Variants in APBA2 observed in about 807,000 individuals in gnomAD.
APBA2 encodes amyloid-beta A4 precursor protein-binding family A member 2.
A neutral mutation model predicts 75.0 loss-of-function variants in APBA2; 30 were observed. The ratio of observed to expected loss-of-function variants is 0.40; its 90% CI spans 0.30 to 0.54. APBA2 has a LOEUF of 0.54. Among genes scored for constraint, APBA2 ranks in the 20% least tolerant of loss-of-function variants. The pLI is 0.49. For synonymous variants in APBA2, 444 were observed against 409.6 expected (o/e 1.08, Z -1.01); for missense variants, 801 against 1,016.1 (o/e 0.79, Z 2.88).
intron 10 of APBA2, among the ~76,000 whole-genome samples, chr15:29,104,549 C>T (rs1022510545): frequency 1.3e-5 from 2 of 152,178 alleles, no homozygotes; most frequent in Admixed American, 6.5e-5. Context: ...AGCAGCTCAG[C>T]GGAAGTAGAA....
chr15:29,088,588 T>G (rs1262886169), intron 6 of APBA2, among the ~76,000 whole-genome samples: 1 of 152,174 alleles, frequency 6.6e-6, no homozygotes, highest in Non-Finnish European at 1.5e-5. Context: ...TGTCTCTCCA[T>G]TTCCGTTGTC....
intron 3 of APBA2, among the ~76,000 whole-genome samples, chr15:29,005,537 C>T (rs926203463): frequency 6.6e-6 from 1 of 152,224 alleles, no homozygotes; most frequent in Non-Finnish European, 1.5e-5. Flanking sequence ...GCTGGGATTA[C>T]AGGCGTGAGT....
At chr15:29,014,704 GTTT>G (rs531887593) in intron 3 of APBA2, among the ~76,000 whole-genome samples, 1 of 125,626 alleles carries the variant, frequency 8.0e-6, no homozygotes, top group Non-Finnish European at 1.7e-5. Flanking sequence ...TCATTTGACT[GTTT>G]TTTTTTTTTT....
chr15:29,054,444 G>A lies in APBA2; in HGVS notation c.560G>A (p.Cys187Tyr), dbSNP rs781369597. 2 of 1,614,158 alleles carry A rather than the reference G, an allele frequency of 1.2e-6. No individual in the cohort carries two copies. Among genetic ancestry groups the A allele is most frequent in the Non-Finnish European group, 1.7e-6 (2 of 1,180,036 alleles). The stretch of plus-strand genomic sequence containing the variant: ...GACCAGGAAGAAGATGGTCACTACT[G>A]TGCCAGCAAAGAGGGCTACCAGGAC... ...AHDQEEDGHY[C>Y]ASKEGYQDYY... The change falls in exon 4 of 15, where the codon TGT (cysteine) becomes TAT (tyrosine). Residue 187 changes from cysteine (C) to tyrosine (Y), a missense_variant. Cys to Tyr is a radical substitution (Grantham distance 194, BLOSUM62 -2). Transcript: ENST00000683413. This position sits in a 1 kb window ranked among gnomAD's most constrained non-coding sequence, Gnocchi z 6.1.
intron 7 of APBA2, among the ~76,000 whole-genome samples, chr15:29,093,735 A>G (rs2043701065): frequency 6.6e-6 from 1 of 152,126 alleles, no homozygotes; most frequent in East Asian, 1.9e-4. Context: ...CGGGGAGGGG[A>G]TGCAGCCATC....
intron 4 of APBA2, among the ~76,000 whole-genome samples, chr15:29,066,990 C>T (rs1337153032): frequency 6.6e-6 from 1 of 152,086 alleles, no homozygotes; most frequent in Non-Finnish European, 1.5e-5. Flanking sequence ...AGGAAGCCTT[C>T]AATGGTGACA....
chr15:28,999,575 A>G (rs767178531), intron 3 of APBA2, among the ~76,000 whole-genome samples: 2 of 152,184 alleles, frequency 1.3e-5, no homozygotes, highest in Non-Finnish European at 2.9e-5. Context: ...GGGGGCCTTC[A>G]TGTCCTGTTT....
chr15:28,945,354 G>A (rs948267383), intron 2 of APBA2, among the ~76,000 whole-genome samples: 3 of 152,110 alleles, frequency 2.0e-5, no homozygotes, highest in African/African-American at 7.2e-5. Flanking sequence ...TGTCCAAGGC[G>A]CAGGAAATAA....
At chr15:28,894,358 G>A (rs904988298) in intron 1 of APBA2, among the ~76,000 whole-genome samples, 8 of 152,302 alleles carry the variant, frequency 5.3e-5, no homozygotes, top group East Asian at 3.9e-4. Context: ...AGGGCATGGA[G>A]GGGGCTGCTG....
At position 29,106,636 on chromosome 15, in the gene APBA2, C is replaced by G. The variant is rs2044422268; in HGVS notation, c.1734C>G (p.Ile578Met). ...ELQLEKHKGE[I>M]LGVVVVESGW... ...AGCTGGAGAAGCACAAGGGCGAGAT[C>G]CTGGGCGTGGTGGTGGTGGAGTCGG... is the stretch of plus-strand genomic sequence containing the variant. The change falls in exon 12 of 15, where the codon ATC becomes ATG. Residue 578 changes from isoleucine (I) to methionine (M), a missense_variant. Ile to Met is a conservative substitution (Grantham distance 10). This residue lies in a region of APBA2 where 367 missense variants were observed against 544.5 expected (regional missense o/e 0.67). Transcript: ENST00000683413. The G allele has an allele frequency of 6.2e-7, 1 of 1,613,174 alleles. No individual in the cohort carries two copies. Among genetic ancestry groups the G allele is most frequent in the Non-Finnish European group, 8.5e-7 (1 of 1,180,008 alleles).
chr15:28,943,696 T>C (rs2035366774), intron 2 of APBA2, among the ~76,000 whole-genome samples: 1 of 152,174 alleles, frequency 6.6e-6, no homozygotes, highest in South Asian at 2.1e-4. Flanking sequence ...TCAGGAATCA[T>C]GGGCCCTTCT....
intron 4 of APBA2, chr15:29,070,727 A>G: frequency 4.4e-6 from 1 of 228,010 alleles, no homozygotes; most frequent in South Asian, 6.0e-5. Flanking sequence ...CCATCTGACC[A>G]GGGGGTCATG....
chr15:29,093,817 A>G (rs1391631770), intron 7 of APBA2, among the ~76,000 whole-genome samples: 1 of 152,046 alleles, frequency 6.6e-6, no homozygotes, highest in African/African-American at 2.4e-5. Context: ...AATGGCAGCA[A>G]CCTCCTCCCC....
intron 4 of APBA2, among the ~76,000 whole-genome samples, chr15:29,056,439 C>T (rs932899215): frequency 2.0e-5 from 3 of 152,110 alleles, no homozygotes; most frequent in Non-Finnish European, 4.4e-5. Context: ...GAGAATGTGT[C>T]CTTGAAGGAC....
In APBA2 at chr15:28,991,371, C is replaced by T. The variant is rs73370639; in HGVS notation, c.-94-4382C>T. Among the ~76,000 whole-genome samples, 58 of 152,282 alleles carry T rather than the reference C, an allele frequency of 3.8e-4. No homozygotes were observed. The Middle Eastern group carries it at 0.014, about 36-fold the overall frequency. On this transcript the variant is annotated intron_variant, in intron 2 of 14. Transcript: ENST00000683413. The surrounding 1 kb of genome is among the most constrained non-coding windows in gnomAD (Gnocchi z 4.7). ...TCTCACTGCATCCCTCTTGCTCTTG[C>T]GGCAGCTTGGCTGAGCTACAGGGCC...
chr15:29,041,487 A>C (rs1460670545), intron 3 of APBA2, among the ~76,000 whole-genome samples: 2 of 151,238 alleles, frequency 1.3e-5, no homozygotes, highest in Non-Finnish European at 2.9e-5. Flanking sequence ...TGTCTCAGAA[A>C]AAAAAAAAAA....
intron 3 of APBA2, among the ~76,000 whole-genome samples, chr15:29,043,844 T>C (rs1209359508): frequency 6.6e-6 from 1 of 152,208 alleles, no homozygotes; most frequent in Non-Finnish European, 1.5e-5. Context: ...GTATTGTTTT[T>C]GGAAGATTAA....
chr15:28,962,846 G>A (rs1020034476), intron 2 of APBA2, among the ~76,000 whole-genome samples: 2 of 152,216 alleles, frequency 1.3e-5, no homozygotes, highest in Non-Finnish European at 2.9e-5. Flanking sequence ...TGCTAGTGAT[G>A]CTGGTCTTCT....
intron 3 of APBA2, among the ~76,000 whole-genome samples, chr15:29,015,225 C>T (rs1023630579): frequency 6.6e-6 from 1 of 152,172 alleles, no homozygotes; most frequent in African/African-American, 2.4e-5. Context: ...GAGAGGCATG[C>T]TCTTGGAGAA....
Sources: allele counts gnomAD v4.1 joint callset (sites outside exome capture counted in the v4.1 genomes callset), GRCh38; gene constraint gnomAD v4.1.1; regional missense constraint gnomAD v4.1.1; non-coding constraint Gnocchi (gnomAD v3.1); transcripts MANE v1.5; gene names NCBI Gene and HGNC (gene_info 2026-07-23, HGNC 2026-07-21).